MAP3K20: variants seen among roughly 807,000 people sequenced by gnomAD.
MAP3K20 encodes HCCS-4.
MAP3K20 carries 40 observed loss-of-function variants against 85.7 expected under a neutral mutation model. The observed-to-expected ratio is 0.47, with a 90% CI of 0.36 to 0.61. The LOEUF is 0.61. Ranked by LOEUF, MAP3K20 falls within the 20% of genes least tolerant of loss-of-function variation. The pLI is 0.00. For missense variants in MAP3K20, 817 were observed against 961.7 expected, an observed-to-expected ratio of 0.85 and a Z score of 1.99; for synonymous variants, 325 against 327.7, an observed-to-expected ratio of 0.99 and a Z score of 0.09.
intron 2 of MAP3K20, among the ~76,000 whole-genome samples, chr2:173,110,903 A>G (rs1468509879): frequency 6.6e-6 from 1 of 152,206 alleles, no homozygotes; most frequent in Non-Finnish European, 1.5e-5. Context: ...GTGTGTAAGT[A>G]TCTTTTTCAA....
intron 2 of MAP3K20, among the ~76,000 whole-genome samples, chr2:173,098,649 G>A (rs1687535288): frequency 6.6e-6 from 1 of 152,186 alleles, no homozygotes; most frequent in South Asian, 2.1e-4. Flanking sequence ...ACTTTCAAAT[G>A]TACTCTTTTA....
At chr2:173,080,607 G>A (rs961191789) in intron 1 of MAP3K20, among the ~76,000 whole-genome samples, 4 of 152,208 alleles carry the variant, frequency 2.6e-5, no homozygotes, top group African/African-American at 9.6e-5. Context: ...ACCTCTTAAA[G>A]GTTCTGCTTC....
chr2:173,105,231 T>A (rs1056149886), intron 2 of MAP3K20, among the ~76,000 whole-genome samples: 1 of 152,154 alleles, frequency 6.6e-6, no homozygotes, highest in South Asian at 2.1e-4. Context: ...CAGTGAGAGA[T>A]GCTTGTGTCT....
At chr2:173,217,275 C>A in intron 11 of MAP3K20, 25 bp downstream of exon 11, 1 of 1,524,376 alleles carries the variant, frequency 6.6e-7, no homozygotes, top group South Asian at 1.3e-5. Flanking sequence ...CCTTCGCCGT[C>A]TTTCCACATG....
intron 9 of MAP3K20, among the ~76,000 whole-genome samples, chr2:173,207,261 G>GA (rs1290406278): frequency 2.6e-5 from 4 of 152,216 alleles, no homozygotes; most frequent in African/African-American, 9.6e-5. Flanking sequence ...GGGAGGCCAA[G>GA]ACAGGCAGAT....
chr2:173,147,870 C>G (rs1689182195), intron 2 of MAP3K20, among the ~76,000 whole-genome samples: 1 of 152,148 alleles, frequency 6.6e-6, no homozygotes, highest in African/African-American at 2.4e-5. Flanking sequence ...CAGGCATGAG[C>G]CACCGTGCCC....
chr2:173,262,063 C>T (rs1315963610), intron 18 of MAP3K20, among the ~76,000 whole-genome samples: 2 of 151,718 alleles, frequency 1.3e-5, no homozygotes, highest in Non-Finnish European at 2.9e-5. Flanking sequence ...CCTCATTTTG[C>T]AGATAGGAAG....
chr2:173,173,299 T>C (rs1690062139), intron 3 of MAP3K20, among the ~76,000 whole-genome samples: 1 of 151,760 alleles, frequency 6.6e-6, no homozygotes, highest in African/African-American at 2.4e-5. Flanking sequence ...GCAAGCCAGA[T>C]TGGAGAGGAA....
At chr2:173,256,731 A>G (rs1452439239) in intron 16 of MAP3K20, among the ~76,000 whole-genome samples, 1 of 152,232 alleles carries the variant, frequency 6.6e-6, no homozygotes, top group Non-Finnish European at 1.5e-5. Context: ...TACTTGGCTT[A>G]TCACATATAC....
intron 10 of MAP3K20, among the ~76,000 whole-genome samples, chr2:173,216,511 T>TG (rs1330969580): frequency 4.3e-5 from 4 of 92,978 alleles, no homozygotes; most frequent in African/African-American, 1.1e-4. Context: ...TTCTGGTGTG[T>TG]TTTTTTTTTA....
At position 173,108,210 on chromosome 2, in the gene MAP3K20, G is replaced by A. The variant is rs188064578; in HGVS notation, c.159+17020G>A. 1.5e-3 allele frequency among the ~76,000 whole-genome samples: 228 copies of A among 151,414 alleles called. 2 individuals are homozygous for A. The highest frequency in any genetic ancestry group is 2.1e-3 in the Non-Finnish European group (142 of 67,924). ...TGCAGTGCAATGGCGTGATCTCACC[G>A]CAACTTCTGCCTCCCAGGTTCAAGC... On this transcript the variant is annotated intron_variant, in intron 2 of 19. Coordinates refer to ENST00000375213, the MANE Select transcript of MAP3K20 (RefSeq NM_016653.3).
intron 12 of MAP3K20, among the ~76,000 whole-genome samples, chr2:173,230,618 A>C (rs1684500836): frequency 6.6e-6 from 1 of 152,202 alleles, no homozygotes; most frequent in African/African-American, 2.4e-5. Flanking sequence ...TTCTTGATAG[A>C]AACCCTGAGA....
intron 4 of MAP3K20, among the ~76,000 whole-genome samples, chr2:173,186,677 C>A (rs191336156): frequency 0.013 from 1,934 of 152,084 alleles, 21 homozygotes; most frequent in Middle Eastern, 0.024. Flanking sequence ...GAGGGGGAGG[C>A]TATTTCTGCC....
chr2:173,109,963 G>C lies in MAP3K20; in HGVS notation c.159+18773G>C, dbSNP rs1351598457. On this transcript the variant is annotated intron_variant, in intron 2 of 19. Transcript: ENST00000375213. Reference sequence around the variant, plus strand: ...TCCCATTTGATGCAGTTGCAGATGAGAAATGTCTTTCTCATCCTTCCTAGT... The same window carrying C: ...TCCCATTTGATGCAGTTGCAGATGACAAATGTCTTTCTCATCCTTCCTAGT... 2.6e-5 allele frequency among the ~76,000 whole-genome samples: 4 copies of C among 151,634 alleles called. No individual in the cohort carries two copies. In the East Asian group the frequency reaches 7.7e-4, roughly 29 times the overall value.
At position 173,178,031 on chromosome 2, in the gene MAP3K20, T is replaced by A. The variant is rs546914109; in HGVS notation, c.248-4823T>A. 2.6e-5 allele frequency among the ~76,000 whole-genome samples: 4 copies of A among 152,236 alleles called. No individual in the cohort carries two copies. In the East Asian group the frequency reaches 7.7e-4, roughly 29 times the overall value. The stretch of plus-strand genomic sequence containing the variant: ...AGAAAAGCAATAGCAAAAATCAGTT[T>A]ATTAGATTTGTTAATCTTTCCAAAG... On this transcript the variant is annotated intron_variant, in intron 3 of 19. Coordinates refer to ENST00000375213, the MANE Select transcript of MAP3K20 (RefSeq NM_016653.3).
intron 8 of MAP3K20, among the ~76,000 whole-genome samples, chr2:173,203,138 TAAAACA>T (rs1293916545): frequency 6.6e-6 from 1 of 152,124 alleles, no homozygotes. Context: ...CACCAGTCTC[TAAAACA>T]AACACAAAAT....
At chr2:173,179,701 TGC>T (rs947672172) in intron 3 of MAP3K20, among the ~76,000 whole-genome samples, 10 of 95,602 alleles carry the variant, frequency 1.0e-4, no homozygotes, top group African/African-American at 1.6e-4. Flanking sequence ...TCCTAAGGAA[TGC>T]GCACACACAC....
chr2:173,103,497 G>A (rs540638149), intron 2 of MAP3K20, among the ~76,000 whole-genome samples: 1 of 152,142 alleles, frequency 6.6e-6, no homozygotes, highest in Non-Finnish European at 1.5e-5. Context: ...GTTTCAAAAA[G>A]GATTTAAGAT....
At chr2:173,240,552 T>C (rs1296807900) in intron 16 of MAP3K20, among the ~76,000 whole-genome samples, 1 of 152,126 alleles carries the variant, frequency 6.6e-6, no homozygotes, top group African/African-American at 2.4e-5. Flanking sequence ...AAAGAAGACA[T>C]ACAAATGGCC....
Sources: gnomAD v4.1 joint callset for allele counts (sites outside exome capture counted in the v4.1 genomes callset) on GRCh38, gnomAD v4.1.1 for gene constraint, MANE v1.5 for transcripts, NCBI Gene and HGNC (gene_info 2026-07-23, HGNC 2026-07-21) for gene names.